The following TMEM207 variants were observed in gnomAD, a reference collection of about 807,000 sequenced individuals.
TMEM207 encodes the protein transmembrane protein 207.
In TMEM207, 15 loss-of-function variants were observed where a neutral mutation model predicts 17.4. The observed-to-expected ratio is 0.86, with a 90% confidence interval of 0.58 to 1.33. The LOEUF is 1.33. Among genes scored for constraint, TMEM207 ranks in the 40% most tolerant of loss-of-function variants. The pLI is 0.00. For missense variants in TMEM207, 205 were observed against 173.8 expected (o/e 1.18, Z -1.01); for synonymous variants, 70 against 65.6 (o/e 1.07, Z -0.33).
chr3:190,447,646 G>T lies in TMEM207; in HGVS notation c.113+144C>A, dbSNP rs893433445. ...TTCAGAAAAAAAAATGGAGCCATCT[G>T]CATTTACAAACCATTTACTTTTCTT... On this transcript the variant is annotated intron_variant, in intron 2 of 4. Transcript: ENST00000354905. 1.1e-5 allele frequency: 7 copies of T among 648,650 alleles called. No homozygotes were observed. The Admixed American group carries it at 1.3e-4, about 12-fold the overall frequency. 40.2% of individuals were successfully genotyped at this position (648,650 alleles called of 1,614,324 possible).
chr3:190,441,002 G>C (rs372158044), intron 3 of TMEM207, among the ~76,000 whole-genome samples: 2 of 152,114 alleles, frequency 1.3e-5, no homozygotes, highest in Non-Finnish European at 2.9e-5. Context: ...CCGGGAGGCG[G>C]AGCTTGCATT....
chr3:190,435,834 C>A (rs112191763), intron 4 of TMEM207, among the ~76,000 whole-genome samples: 2,768 of 152,318 alleles, frequency 0.018, 41 homozygotes, highest in Middle Eastern at 0.031. Context: ...GGAAATTCCA[C>A]CAGACATTGG....
At chr3:190,437,655 G>A (rs1719832057) in intron 4 of TMEM207, among the ~76,000 whole-genome samples, 1 of 152,046 alleles carries the variant, frequency 6.6e-6, no homozygotes, top group African/African-American at 2.4e-5. Flanking sequence ...TGGTGGGACT[G>A]TAAACTAGTT....
At chr3:190,449,630 T>C (rs1204631629) in intron 1 of TMEM207, 105 bp downstream of exon 1, 2 of 986,730 alleles carry the variant, frequency 2.0e-6, no homozygotes, top group East Asian at 5.1e-5. Context: ...ATCTTTTAAA[T>C]GTAGAAGCAG....
intron 1 of TMEM207, 81 bp from the exon 2 acceptor site, chr3:190,447,908 G>T: frequency 7.5e-7 from 1 of 1,337,290 alleles, no homozygotes; most frequent in Non-Finnish European, 1.0e-6. Flanking sequence ...TAGAGACAAT[G>T]TGGGTTTATA....
chr3:190,444,925 G>C (rs925294677), intron 2 of TMEM207, among the ~76,000 whole-genome samples: 1 of 152,148 alleles, frequency 6.6e-6, no homozygotes, highest in Non-Finnish European at 1.5e-5. Context: ...AGTAATTTGA[G>C]GGATGGATGA....
At chr3:190,444,762 T>C (rs1238166952) in intron 2 of TMEM207, among the ~76,000 whole-genome samples, 2 of 152,124 alleles carry the variant, frequency 1.3e-5, no homozygotes, top group East Asian at 3.9e-4. Context: ...AGAGAAAAAT[T>C]CAAGCTATGA....
intron 1 of TMEM207, among the ~76,000 whole-genome samples, chr3:190,448,660 G>T (rs904641789): frequency 2.6e-5 from 4 of 152,160 alleles, no homozygotes; most frequent in African/African-American, 9.7e-5. Context: ...GTCAGTTGAA[G>T]TATTTATTTT....
Position 190,446,314 on chromosome 3 carries a change from T to C in TMEM207, c.113+1476A>G, listed in dbSNP as rs578137088. On this transcript the variant is annotated intron_variant, in intron 2 of 4. Coordinates refer to ENST00000354905, the MANE Select transcript of TMEM207 (RefSeq NM_207316.3). ...AAGAGGATTTTTCTTGGAGGGGACT[T>C]TTTACTCCCTCAGAAAACAGCATGA... Among the ~76,000 whole-genome samples, 208 of 152,242 alleles carry C rather than the reference T, an allele frequency of 1.4e-3. 2 individuals carry two copies. The highest frequency in any genetic ancestry group is 2.5e-3 in the South Asian group (12 of 4,824).
intron 2 of TMEM207, 84 bp downstream of exon 2, chr3:190,447,705 CT>C (rs1720080168): frequency 1.4e-6 from 2 of 1,403,878 alleles, no homozygotes; most frequent in Non-Finnish European, 2.0e-6. Flanking sequence ...CTCAACTGGG[CT>C]TTTTCTAATG....
Position 190,429,622 on chromosome 3 carries a change from T to G in TMEM207, c.414A>C (p.Pro138=). Residue 138 remains proline, a synonymous_variant, in exon 5 of 5, where the codon CCA becomes CCC. Coordinates refer to ENST00000354905, the MANE Select transcript of TMEM207 (RefSeq NM_207316.3). ...PCFGPLGSPP[P]YEEIVKTT is the part of the protein sequence containing the mutation. ...AGGTTGTTTTTACAATTTCTTCATATGGAGGTGGGGAGCCTAAAGGGCCAA... is the reference window on the plus strand; with the variant it reads ...AGGTTGTTTTTACAATTTCTTCATAGGGAGGTGGGGAGCCTAAAGGGCCAA... The G allele has an allele frequency of 1.2e-6, 2 of 1,613,526 alleles. No homozygotes were observed. The highest frequency in any genetic ancestry group is 1.7e-6 in the Non-Finnish European group (2 of 1,179,634).
chr3:190,439,120 T>G (rs1424007776), intron 4 of TMEM207, among the ~76,000 whole-genome samples: 10 of 136,638 alleles, frequency 7.3e-5, no homozygotes, highest in Non-Finnish European at 1.4e-4. Context: ...GAGCTTGCAG[T>G]GAGCGGAGAT....
intron 2 of TMEM207, among the ~76,000 whole-genome samples, chr3:190,445,558 C>G (rs1262454347): frequency 1.3e-5 from 2 of 152,212 alleles, no homozygotes; most frequent in Admixed American, 1.3e-4. Flanking sequence ...CGGAGTCTCG[C>G]TCTGTTACCC....
intron 4 of TMEM207, among the ~76,000 whole-genome samples, chr3:190,436,874 G>T (rs1356499442): frequency 6.6e-6 from 1 of 152,116 alleles, no homozygotes; most frequent in Admixed American, 6.5e-5. Context: ...ATGCCAAAAA[G>T]CACAGCTCTG....
At chr3:190,440,884 C>T (rs571921591) in intron 3 of TMEM207, among the ~76,000 whole-genome samples, 2 of 152,148 alleles carry the variant, frequency 1.3e-5, no homozygotes, top group Non-Finnish European at 2.9e-5. Flanking sequence ...CTGGCTAACA[C>T]GGTGAAACCC....
At chr3:190,446,182 G>A (rs1484089694) in intron 2 of TMEM207, among the ~76,000 whole-genome samples, 1 of 152,168 alleles carries the variant, frequency 6.6e-6, no homozygotes, top group Non-Finnish European at 1.5e-5. Flanking sequence ...GCTGGTAAAT[G>A]GATGAATATG....
intron 2 of TMEM207, among the ~76,000 whole-genome samples, chr3:190,442,998 G>T (rs980624025): frequency 6.6e-6 from 1 of 152,070 alleles, no homozygotes; most frequent in African/African-American, 2.4e-5. Context: ...CTTTCATATT[G>T]TTTGAATTAT....
intron 4 of TMEM207, among the ~76,000 whole-genome samples, chr3:190,436,241 A>T (rs1460186247): frequency 6.6e-6 from 1 of 152,240 alleles, no homozygotes; most frequent in Non-Finnish European, 1.5e-5. Context: ...TAATATATCA[A>T]ATCTAGTCTC....
intron 4 of TMEM207, among the ~76,000 whole-genome samples, chr3:190,430,512 G>A (rs1719669636): frequency 6.6e-6 from 1 of 150,600 alleles, no homozygotes; most frequent in African/African-American, 2.4e-5. Context: ...TATATATAAA[G>A]ATGGTTTTAT....
Sources: allele counts gnomAD v4.1 joint callset (sites outside exome capture counted in the v4.1 genomes callset), GRCh38; gene constraint gnomAD v4.1.1; transcripts MANE v1.5; gene names NCBI Gene and HGNC (gene_info 2026-07-23, HGNC 2026-07-21).